GTF3C1: variants seen among roughly 807,000 people sequenced by gnomAD.
GTF3C1 encodes the protein general transcription factor 3C polypeptide 1.
A neutral mutation model predicts 226.7 loss-of-function variants in GTF3C1; 57 were observed. That is an observed-to-expected ratio of 0.25 (90% CI 0.20 to 0.31). The LOEUF (loss-of-function observed/expected upper bound fraction) is 0.31. GTF3C1 is among the 10% of genes least tolerant of loss of function. The pLI, the probability that GTF3C1 is intolerant of heterozygous loss-of-function variation, is 1.00. For missense variants in GTF3C1, 2,217 were observed against 2,776.1 expected, an observed-to-expected ratio of 0.80 and a Z score of 4.53; for synonymous variants, 1,090 against 1,084.8, an observed-to-expected ratio of 1.00 and a Z score of -0.09.
At chr16:27,539,472 T>G (rs2089051346) in intron 2 of GTF3C1, among the ~76,000 whole-genome samples, 1 of 152,146 alleles carries the variant, frequency 6.6e-6, no homozygotes, top group South Asian at 2.1e-4. Flanking sequence ...CCTGGCCTGC[T>G]CAATCCAACT....
chr16:27,462,193 A>T lies in GTF3C1; in HGVS notation c.6117+101T>A, dbSNP rs113496440. On this transcript the variant is annotated intron_variant, in intron 36 of 36. Coordinates refer to ENST00000356183, the MANE Select transcript of GTF3C1 (RefSeq NM_001520.4). This position sits in a 1 kb window ranked among gnomAD's most constrained non-coding sequence, Gnocchi z 4.5. ...GGGGGAGGAGGTGCAGGCAAGCAGT[A>T]TGGTGGTACTGCATGTTGCCTGGGG... 100 of 779,542 alleles carry T rather than the reference A, an allele frequency of 1.3e-4. 2 individuals are homozygous for T. Among genetic ancestry groups the T allele is most frequent in the African/African-American group, 1.0e-3 (60 of 58,440 alleles). 48.3% of individuals were successfully genotyped at this position (779,542 alleles called of 1,614,324 possible). A position where few individuals can be genotyped will look rare whatever the true frequency, so the allele number is the denominator to read the frequency against.
intron 2 of GTF3C1, among the ~76,000 whole-genome samples, chr16:27,542,418 G>A (rs909961794): frequency 2.6e-5 from 4 of 152,028 alleles, no homozygotes; most frequent in South Asian, 2.1e-4. Flanking sequence ...AAAATTAGCC[G>A]GGCATGGTAG....
intron 4 of GTF3C1, among the ~76,000 whole-genome samples, chr16:27,534,163 C>T (rs906422969): frequency 1.3e-5 from 2 of 152,308 alleles, no homozygotes; most frequent in South Asian, 2.1e-4. Context: ...TCTGAAGCTC[C>T]GGTTCCTGCT....
At position 27,535,202 on chromosome 16, in the gene GTF3C1, A is replaced by G. The variant is rs958770294; in HGVS notation, c.753-1815T>C. On this transcript the variant is annotated intron_variant, in intron 4 of 36. Transcript: ENST00000356183. Reference sequence around the variant, plus strand: ...TAAAATTAACTGTAATACACAGTGTACTACTGTTAATAACTTCGTAGCCAC... The same window carrying G: ...TAAAATTAACTGTAATACACAGTGTGCTACTGTTAATAACTTCGTAGCCAC... Among the ~76,000 whole-genome samples, 3 of 152,252 alleles carry G rather than the reference A, an allele frequency of 2.0e-5. No homozygotes were observed. The South Asian group carries it at 6.2e-4, about 31-fold the overall frequency.
Position 27,538,266 on chromosome 16 carries a change from G to A in GTF3C1, c.522C>T (p.Pro174=), listed in dbSNP as rs770744373. The A allele has an allele frequency of 3.8e-5, 62 of 1,610,634 alleles. No homozygotes were observed. The highest frequency in any genetic ancestry group is 1.5e-4 in the Admixed American group (9 of 59,936). ...GQEGDPDLKL[P]DFSYCILERL... is the part of the protein sequence containing the mutation. ...GTTCCAGGATGCAGTAGGAGAAGTC[G>A]GGCAGCTTCAGGTCGGGATCCCCCT... The change falls in exon 3 of 37, where the codon CCC becomes CCT. Residue 174 remains proline, a synonymous_variant. Transcript: ENST00000356183.
At chr16:27,483,549 C>T (rs1262289065) in intron 25 of GTF3C1, 3 of 453,496 alleles carry the variant, frequency 6.6e-6, no homozygotes, top group Non-Finnish European at 8.9e-6. Context: ...CTTCACATCT[C>T]CATGATATAA....
At chr16:27,538,129 A>G in intron 3 of GTF3C1, 51 bp downstream of exon 3, 1 of 1,338,660 alleles carries the variant, frequency 7.5e-7, no homozygotes, top group South Asian at 1.4e-5. Flanking sequence ...TTTGGGATTC[A>G]GGGTGCAATG....
intron 5 of GTF3C1, among the ~76,000 whole-genome samples, chr16:27,532,569 G>A (rs926424943): frequency 5.3e-5 from 8 of 152,012 alleles, no homozygotes; most frequent in South Asian, 2.1e-4. Context: ...CGCTCCCTTC[G>A]CCACAGCCTC....
In GTF3C1 at chr16:27,471,043, C is replaced by G. The variant is rs1214597456; in HGVS notation, c.4527-648G>C. 6.6e-6 allele frequency among the ~76,000 whole-genome samples: 1 copy of G among 152,216 alleles called. No homozygotes were observed. The highest frequency in any genetic ancestry group is 2.4e-5 in the African/African-American group (1 of 41,460). ...CCTGAGGGTCATTCGGGGTCAGGGT[C>G]TGGGGAGGAGGAAGTGTCTGCCGTC... On this transcript the variant is annotated intron_variant, in intron 30 of 36. Transcript: ENST00000356183. The surrounding 1 kb of genome is among the most constrained non-coding windows in gnomAD (Gnocchi z 5.0).
chr16:27,540,963 C>T lies in GTF3C1; in HGVS notation c.432-2607G>A, dbSNP rs373456735. Reference sequence around the variant, plus strand: ...TCAAGTGATTCTCCTGCCTCAGCCTCCCAAGTAGCTGGGATTACAGACACT... The same window carrying T: ...TCAAGTGATTCTCCTGCCTCAGCCTTCCAAGTAGCTGGGATTACAGACACT... On this transcript the variant is annotated intron_variant, in intron 2 of 36. Coordinates refer to ENST00000356183, the MANE Select transcript of GTF3C1 (RefSeq NM_001520.4). Among the ~76,000 whole-genome samples, 13 of 152,258 alleles carry T rather than the reference C, an allele frequency of 8.5e-5. No homozygotes were observed. The East Asian group carries it at 2.5e-3, about 29-fold the overall frequency.
chr16:27,527,485 AG>A (rs1414889614), intron 6 of GTF3C1, among the ~76,000 whole-genome samples: 1 of 152,138 alleles, frequency 6.6e-6, no homozygotes, highest in Non-Finnish European at 1.5e-5. Flanking sequence ...GCCCAGACTA[AG>A]GAAGGTTTTT....
At chr16:27,475,028 G>C (rs569150721) in intron 29 of GTF3C1, among the ~76,000 whole-genome samples, 1 of 152,366 alleles carries the variant, frequency 6.6e-6, no homozygotes, top group African/African-American at 2.4e-5. Context: ...CTGCTCTGAA[G>C]CAGGGCATTC....
rs776331760 is a variant in GTF3C1 at position 27,495,213 on chromosome 16, G to C, written c.2630C>G (p.Thr877Arg). ...WEAEVELATE[T>R]VYVDDASWMR... The stretch of plus-strand genomic sequence containing the variant: ...CAGGAGTGGCAGGGGCCTCTCACCT[G>C]TCTCCGTGGCAAGCTCCACTTCAGC... The change falls in exon 15 of 37, where the codon ACA becomes AGA. Residue 877 changes from threonine (T) to arginine (R), a missense_variant and splice_region_variant. Around this residue, in one of 12 missense-constraint regions of GTF3C1, gnomAD observed 353 missense variants for 411.7 expected, o/e 0.86. Coordinates refer to ENST00000356183, the MANE Select transcript of GTF3C1 (RefSeq NM_001520.4). 4.4e-6 allele frequency: 7 copies of C among 1,608,242 alleles called. No homozygotes were observed. Among genetic ancestry groups the C allele is most frequent in the Non-Finnish European group, 6.0e-6 (7 of 1,176,428 alleles).
chr16:27,527,300 G>A (rs1199386700), intron 6 of GTF3C1, among the ~76,000 whole-genome samples: 1 of 152,210 alleles, frequency 6.6e-6, no homozygotes, highest in African/African-American at 2.4e-5. Flanking sequence ...TCCTGCCTCA[G>A]CCTCCTGAGT....
At position 27,469,331 on chromosome 16, in the gene GTF3C1, C is replaced by T. The variant is rs575288736; in HGVS notation, c.5034G>A (p.Gln1678=). Residue 1678 remains glutamine (Q), a synonymous_variant, in exon 32 of 37, where the codon CAG becomes CAA. Transcript: ENST00000356183. The surrounding 1 kb of genome is among the most constrained non-coding windows in gnomAD (Gnocchi z 4.5). ...IVVNSCQMKF[Q]LRCTPVPARL... is the part of the protein sequence containing the mutation. ...GGGCGGGCACAGGGGTGCAGCGGAG[C>T]TGGAACTTCATCTGGCAGGAGTTGA... is the stretch of plus-strand genomic sequence containing the variant. 2.1e-5 allele frequency: 33 copies of T among 1,588,886 alleles called. No homozygotes were observed. In the South Asian group the frequency reaches 3.6e-4, roughly 18 times the overall value.
At chr16:27,487,166 G>A (rs1410377719) in intron 23 of GTF3C1, among the ~76,000 whole-genome samples, 2 of 152,232 alleles carry the variant, frequency 1.3e-5, no homozygotes, top group South Asian at 2.1e-4. Flanking sequence ...GCATTGTGAT[G>A]AATTCAGGTT....
chr16:27,490,795 T>C (rs998106634), intron 19 of GTF3C1, among the ~76,000 whole-genome samples: 5 of 152,150 alleles, frequency 3.3e-5, no homozygotes, highest in African/African-American at 4.8e-5. Context: ...TAAAAGATGA[T>C]TGCATCTCAT....
intron 9 of GTF3C1, among the ~76,000 whole-genome samples, chr16:27,506,389 C>T (rs1211739836): frequency 6.6e-6 from 1 of 152,126 alleles, no homozygotes; most frequent in Non-Finnish European, 1.5e-5. Context: ...AGCATCCTGG[C>T]CTCTACCTAC....
chr16:27,534,514 C>G (rs1055009755), intron 4 of GTF3C1, among the ~76,000 whole-genome samples: 2 of 152,222 alleles, frequency 1.3e-5, no homozygotes, highest in Non-Finnish European at 2.9e-5. Flanking sequence ...ATATGAGCCA[C>G]TCTGCATAGA....
Sources: gnomAD v4.1 joint callset for allele counts (sites outside exome capture counted in the v4.1 genomes callset) on GRCh38, gnomAD v4.1.1 for gene constraint, gnomAD v4.1.1 regional missense constraint, Gnocchi (gnomAD v3.1) non-coding constraint, MANE v1.5 for transcripts, NCBI Gene and HGNC (gene_info 2026-07-23, HGNC 2026-07-21) for gene names.